MYO1F: variants seen among roughly 807,000 people sequenced by gnomAD.
MYO1F encodes the protein unconventional myosin-If.
Under a neutral mutation model 146.6 loss-of-function variants are expected in MYO1F, and 60 were observed. That is an observed-to-expected ratio of 0.41 (90% CI 0.33 to 0.51). MYO1F has a LOEUF of 0.51. MYO1F is among the 20% of genes least tolerant of loss of function. The probability of loss-of-function intolerance (pLI) is 0.25; values close to 1 mark genes in which losing one functional copy is unlikely to be tolerated. For missense variants in MYO1F, 1,274 were observed against 1,534.3 expected (o/e 0.83, Z 2.83); for synonymous variants, 602 against 602.1 (o/e 1.00, Z 0.00).
In MYO1F at chr19:8,548,256, TA is replaced by T. The variant is rs1973455690; in HGVS notation, c.1162del (p.Tyr388ThrfsTer32). 2.5e-6 allele frequency: 4 copies of T among 1,613,988 alleles called. No homozygotes were observed. Among genetic ancestry groups the T allele is most frequent in the Non-Finnish European group, 2.5e-6 (3 of 1,179,990 alleles). On this transcript the variant is annotated frameshift_variant, in exon 11 of 28. Coordinates refer to ENST00000644032, the MANE Select transcript of MYO1F (RefSeq NM_012335.4). LOFTEE classifies it high-confidence loss of function. ...CCGTACCTGGAAGATCTCGAAGCCG[TA>T]AATGTCCAGCACACCGATGCTGTAC... The part of the protein sequence containing the change: ...EEYSIGVLDI[Y>X]GFEIFQKNGF...
In MYO1F at chr19:8,522,453, G is replaced by C. The variant is rs1299907540; in HGVS notation, c.3144C>G (p.Ala1048=). ...QPRTHGPRCR[A]LYQYVGQDVD... ...CATCTTGGCCCACGTACTGGTATAG[G>C]GCCCGGCACCTGGGACCATGTGTCC... Residue 1048 remains alanine, a synonymous_variant, in exon 27 of 28, where the codon GCC becomes GCG. Coordinates refer to ENST00000644032, the MANE Select transcript of MYO1F (RefSeq NM_012335.4). The C allele has an allele frequency of 2.5e-6, 4 of 1,614,002 alleles. No homozygotes were observed. In the Admixed American group the frequency reaches 6.7e-5, roughly 27 times the overall value.
intron 1 of MYO1F, among the ~76,000 whole-genome samples, chr19:8,557,847 C>T (rs567423391): frequency 6.6e-6 from 1 of 152,252 alleles, no homozygotes; most frequent in East Asian, 1.9e-4. Context: ...CAGGCCAGTC[C>T]CTGACTTCTC....
rs1458932647 is a variant in MYO1F, at chr19:8,540,060, G to A, written c.1611-32C>T. 5 of 1,580,558 alleles carry A rather than the reference G, an allele frequency of 3.2e-6. No individual in the cohort carries two copies. The Admixed American group carries it at 8.5e-5, about 27-fold the overall frequency. Reference sequence around the variant, plus strand: ...AGGAAAGGGGAGAGGAGGAGTTGGAGGTATGGCTAGACTTTCGGGTACTCT... The same window carrying A: ...AGGAAAGGGGAGAGGAGGAGTTGGAAGTATGGCTAGACTTTCGGGTACTCT... On this transcript the variant is annotated intron_variant, in intron 15 of 27. Coordinates refer to ENST00000644032, the MANE Select transcript of MYO1F (RefSeq NM_012335.4).
Position 8,522,264 on chromosome 19 carries a change from T to C in MYO1F, c.3220+113A>G, listed in dbSNP as rs533019602. ...GTCTCGATCTCCTGACCTCGTGATC[T>C]GCCCGCCTTGGCCTCCCAAAATGCT... is the stretch of plus-strand genomic sequence containing the variant. On this transcript the variant is annotated intron_variant, in intron 27 of 27. Transcript: ENST00000644032. The C allele has an allele frequency of 2.7e-4, 365 of 1,330,014 alleles. 1 individual carries two copies. Among genetic ancestry groups the C allele is most frequent in the African/African-American group, 2.3e-3 (158 of 68,862 alleles). The allele number at this position is 1,330,014 out of a possible 1,614,324, so 82.4% of individuals were successfully genotyped here. A position where few individuals can be genotyped will look rare whatever the true frequency, so the allele number is the denominator to read the frequency against.
intron 1 of MYO1F, among the ~76,000 whole-genome samples, chr19:8,562,178 T>C (rs1263560534): frequency 6.6e-6 from 1 of 151,730 alleles, no homozygotes; most frequent in Non-Finnish European, 1.5e-5. Flanking sequence ...TTTTTTTGTA[T>C]TTTTAGTGGA....
intron 16 of MYO1F, 45 bp downstream of exon 16, chr19:8,539,902 C>T (rs748371321): frequency 1.3e-6 from 2 of 1,555,568 alleles, no homozygotes; most frequent in Non-Finnish European, 8.9e-7. Context: ...GGGTGGAACT[C>T]AGCCCTCTGC....
intron 9 of MYO1F, 24 bp downstream of exon 9, chr19:8,550,538 G>A: frequency 6.2e-7 from 1 of 1,614,012 alleles, no homozygotes; most frequent in Non-Finnish European, 8.5e-7. Context: ...CCTCCATCCA[G>A]CCCTCCCTGA....
In MYO1F at chr19:8,530,029, G is replaced by T; in HGVS notation, c.2328+167C>A. 1 of 882,870 alleles carries T rather than the reference G, an allele frequency of 1.1e-6. No homozygotes were observed. 54.7% of individuals were successfully genotyped at this position (882,870 alleles called of 1,614,324 possible). A position where few individuals can be genotyped will look rare whatever the true frequency, so the allele number is the denominator to read the frequency against. ...TGGAACAGATGGATCTAGGCTGGGG[G>T]ATCTATGCCTGTGGGCAGGTGCATA... is the stretch of plus-strand genomic sequence containing the variant. On this transcript the variant is annotated intron_variant, in intron 21 of 27. Transcript: ENST00000644032. This position sits in a 1 kb window ranked among gnomAD's most constrained non-coding sequence, Gnocchi z 5.8.
intron 1 of MYO1F, among the ~76,000 whole-genome samples, chr19:8,556,868 C>T (rs951687198): frequency 1.1e-5 from 1 of 93,842 alleles, no homozygotes; most frequent in Non-Finnish European, 2.1e-5. Context: ...GCCTTGGCAA[C>T]AAGAGTGAAA....
chr19:8,533,788 C>T (rs1021426449), intron 19 of MYO1F, among the ~76,000 whole-genome samples: 1 of 152,214 alleles, frequency 6.6e-6, no homozygotes, highest in Non-Finnish European at 1.5e-5. Context: ...AACTTTGTTT[C>T]AGCTGTCCCA....
At chr19:8,544,036 CGGTGCTGGTGGTGGTGGTGGTGGTGGT>C in intron 14 of MYO1F, 1 of 270,192 alleles carries the variant, frequency 3.7e-6, no homozygotes, top group South Asian at 3.9e-5. Flanking sequence ...GTGGCGGTGG[CGGTGCTGGTGGTGGTGGTGGTGGTGGT>C]GGTGGTGTCC....
intron 4 of MYO1F, among the ~76,000 whole-genome samples, chr19:8,553,894 A>ACACTCT: frequency 7.3e-4 from 75 of 102,666 alleles, no homozygotes; most frequent in South Asian, 4.6e-3. Flanking sequence ...ACACACACAC[A>ACACTCT]CTCTCTCTCT....
chr19:8,535,509 A>G (rs1568339842), intron 19 of MYO1F, among the ~76,000 whole-genome samples: 1 of 152,004 alleles, frequency 6.6e-6, no homozygotes, highest in African/African-American at 2.4e-5. Flanking sequence ...GCTTCAAACC[A>G]TCCTCCTGCC....
At chr19:8,559,922 C>T (rs1974010061) in intron 1 of MYO1F, among the ~76,000 whole-genome samples, 1 of 147,970 alleles carries the variant, frequency 6.8e-6, no homozygotes, top group South Asian at 2.1e-4. Flanking sequence ...TGCACTCCAG[C>T]CTGGGCAACA....
chr19:8,555,801 G>C lies in MYO1F; in HGVS notation c.4-5C>G. 6.2e-7 allele frequency: 1 copy of C among 1,610,730 alleles called. No individual in the cohort carries two copies. The highest frequency in any genetic ancestry group is 8.5e-7 in the Non-Finnish European group (1 of 1,178,918). ...GTGGAAGCGCTCCTTGCTGCCCTGGGGGGTGAGAGGGGGGTCGGGGTGAGC... is the reference window on the plus strand; with the variant it reads ...GTGGAAGCGCTCCTTGCTGCCCTGGCGGGTGAGAGGGGGGTCGGGGTGAGC... On this transcript the variant is annotated splice_region_variant and splice_polypyrimidine_tract_variant and intron_variant, in intron 1 of 27. Transcript: ENST00000644032.
intron 14 of MYO1F, among the ~76,000 whole-genome samples, chr19:8,543,016 G>A (rs1485373454): frequency 6.6e-6 from 1 of 152,192 alleles, no homozygotes; most frequent in Non-Finnish European, 1.5e-5. Context: ...TGATTCTCCT[G>A]CCTCAGCCTC....
intron 1 of MYO1F, among the ~76,000 whole-genome samples, chr19:8,573,390 C>T (rs2042146895): frequency 6.6e-6 from 1 of 152,016 alleles, no homozygotes; most frequent in African/African-American, 2.4e-5. Flanking sequence ...AACGTCTTCA[C>T]TCTCTCTCCT....
rs1316343661 is a variant in MYO1F, at chr19:8,536,555, G to A, written c.1842C>T (p.Ile614=). 6.4e-7 allele frequency: 1 copy of A among 1,568,240 alleles called. No homozygotes were observed. Among genetic ancestry groups the A allele is most frequent in the African/African-American group, 1.4e-5 (1 of 72,160 alleles). ...QVEYLGLKEN[I]RVRRAGFAYR... ...AGGCGAAGCCGGCTCTGCGCACCCT[G>A]ATGTTCTCCTTCAGGCCCAGGTATT... The change falls in exon 18 of 28, where the codon ATC becomes ATT. Residue 614 remains isoleucine (I), a synonymous_variant. Coordinates refer to ENST00000644032, the MANE Select transcript of MYO1F (RefSeq NM_012335.4).
intron 12 of MYO1F, among the ~76,000 whole-genome samples, chr19:8,547,356 A>G (rs1973408943): frequency 2.1e-5 from 3 of 146,282 alleles, no homozygotes; most frequent in South Asian, 4.4e-4. Flanking sequence ...CTGTAATCCC[A>G]GCACTTTGGG....
Sources: allele counts gnomAD v4.1 joint callset (sites outside exome capture counted in the v4.1 genomes callset), GRCh38; gene constraint gnomAD v4.1.1; non-coding constraint Gnocchi (gnomAD v3.1); transcripts MANE v1.5; gene names NCBI Gene and HGNC (gene_info 2026-07-23, HGNC 2026-07-21).